The following CELF2 variants were observed in gnomAD, a reference collection of about 807,000 sequenced individuals.
CELF2 encodes the protein CUG triplet repeat RNA-binding protein 2.
In CELF2, 8 loss-of-function variants were observed where a neutral mutation model predicts 62.6. The ratio of observed to expected loss-of-function variants is 0.13; its 90% CI spans 0.07 to 0.23. The LOEUF (loss-of-function observed/expected upper bound fraction) is 0.23. Among genes scored for constraint, CELF2 ranks in the 10% least tolerant of loss-of-function variants. The pLI is 1.00. For missense variants in CELF2, 333 were observed against 671.0 expected, an observed-to-expected ratio of 0.50 and a Z score of 5.56; for synonymous variants, 258 against 250.0, an observed-to-expected ratio of 1.03 and a Z score of -0.30.
chr10:11,284,773 GTGGATGGA>G, intron 8 of CELF2, among the ~76,000 whole-genome samples: 3 of 150,430 alleles, frequency 2.0e-5, no homozygotes, highest in Non-Finnish European at 4.4e-5. Context: ...AGATATGTGG[GTGGATGGA>G]TGGATGGTGG....
chr10:11,252,204 A>G (rs1409813283), intron 4 of CELF2, among the ~76,000 whole-genome samples: 1 of 152,246 alleles, frequency 6.6e-6, no homozygotes, highest in Non-Finnish European at 1.5e-5. Context: ...AAAAGCCACA[A>G]GCCTTTTCTA....
intron 2 of CELF2, among the ~76,000 whole-genome samples, chr10:10,927,757 C>A (rs2065674401): frequency 6.6e-6 from 1 of 152,066 alleles, no homozygotes; most frequent in Non-Finnish European, 1.5e-5. Context: ...TGTCTACTTT[C>A]TCTCTCTCTT....
At chr10:10,802,474 A>G (rs1311440259) in intron 1 of CELF2, among the ~76,000 whole-genome samples, 3 of 152,218 alleles carry the variant, frequency 2.0e-5, no homozygotes, top group African/African-American at 7.2e-5. Context: ...TGTCTCAAAC[A>G]AACAAACAAA....
In CELF2 at chr10:11,117,525, C is replaced by A. The variant is rs2056818019; in HGVS notation, c.75-47961C>A. 6.6e-6 allele frequency among the ~76,000 whole-genome samples: 1 copy of A among 152,164 alleles called. No homozygotes were observed. Among genetic ancestry groups the A allele is most frequent in the Admixed American group, 6.5e-5 (1 of 15,268 alleles). ...AGAGGCCACTCCTTTAGACCTAGGT[C>A]CATCTTGAGGTGTTGTTATACAGCC... On this transcript the variant is annotated intron_variant, in intron 1 of 12. Transcript: ENST00000633077. The surrounding 1 kb of genome is among the most constrained non-coding windows in gnomAD (Gnocchi z 4.1).
chr10:10,932,079 G>A (rs1158664463), intron 2 of CELF2, among the ~76,000 whole-genome samples: 1 of 152,044 alleles, frequency 6.6e-6, no homozygotes, highest in Non-Finnish European at 1.5e-5. Context: ...GATCTGGGTG[G>A]GGACACAGCC....
the CELF2 span, among the ~76,000 whole-genome samples, chr10:10,580,818 A>G: frequency 6.6e-6 from 1 of 152,226 alleles, no homozygotes; most frequent in Non-Finnish European, 1.5e-5. Flanking sequence ...CATTGGATCA[A>G]TAAATATTTA....
At chr10:10,585,645 T>C in the CELF2 span, among the ~76,000 whole-genome samples, 13 of 152,290 alleles carry the variant, frequency 8.5e-5, no homozygotes, top group Non-Finnish European at 1.8e-4. Context: ...TTGATTACGC[T>C]CCCTTTGTCA....
chr10:10,820,084 G>A (rs1270721475), intron 1 of CELF2, among the ~76,000 whole-genome samples: 1 of 152,104 alleles, frequency 6.6e-6, no homozygotes, highest in Non-Finnish European at 1.5e-5. Context: ...TGGGTTTATA[G>A]AGGGTTTCCG....
intron 1 of CELF2, among the ~76,000 whole-genome samples, chr10:11,009,907 C>A (rs1243234809): frequency 6.6e-6 from 1 of 152,250 alleles, no homozygotes; most frequent in Non-Finnish European, 1.5e-5. Context: ...AGGCCTGCAG[C>A]TGCAATCAGT....
chr10:10,554,569 C>G, the CELF2 span, among the ~76,000 whole-genome samples: 8 of 152,232 alleles, frequency 5.3e-5, no homozygotes, highest in East Asian at 1.5e-3. Flanking sequence ...CTCTGTGACT[C>G]CAGCTCCTCC....
chr10:10,690,659 C>T, the CELF2 span, among the ~76,000 whole-genome samples: 1 of 152,110 alleles, frequency 6.6e-6, no homozygotes, highest in Non-Finnish European at 1.5e-5. Flanking sequence ...GTGGGCAGAT[C>T]ACTTGAGGTC....
At chr10:10,679,437 C>A in the CELF2 span, among the ~76,000 whole-genome samples, 1 of 152,000 alleles carries the variant, frequency 6.6e-6, no homozygotes, top group Non-Finnish European at 1.5e-5. Flanking sequence ...ATACAGGCAC[C>A]CTCCACCATG....
At chr10:10,487,805 T>A in the CELF2 span, among the ~76,000 whole-genome samples, 1 of 152,182 alleles carries the variant, frequency 6.6e-6, no homozygotes, top group Non-Finnish European at 1.5e-5. Context: ...AATGGTGGTC[T>A]TTGTGCTTAA....
At chr10:11,187,701 C>T (rs1426276278) in intron 2 of CELF2, among the ~76,000 whole-genome samples, 2 of 151,944 alleles carry the variant, frequency 1.3e-5, no homozygotes, top group Non-Finnish European at 2.9e-5. Flanking sequence ...TGTTACACGT[C>T]TTTATCATTC....
the CELF2 span, among the ~76,000 whole-genome samples, chr10:10,520,105 T>A: frequency 6.6e-6 from 1 of 152,198 alleles, no homozygotes; most frequent in African/African-American, 2.4e-5. Context: ...TAGACTACCA[T>A]GGAAGAATAA....
chr10:11,210,405 C>G (rs889675764), intron 2 of CELF2, among the ~76,000 whole-genome samples: 1 of 152,180 alleles, frequency 6.6e-6, no homozygotes, highest in African/African-American at 2.4e-5. Flanking sequence ...TCATGCCCAA[C>G]CCCATAAGCT....
At chr10:10,574,317 G>A in the CELF2 span, among the ~76,000 whole-genome samples, 2 of 152,320 alleles carry the variant, frequency 1.3e-5, no homozygotes, top group East Asian at 3.9e-4. Flanking sequence ...CAAAGTAGAA[G>A]AAGGATTGTG....
chr10:10,736,719 T>C, the CELF2 span, among the ~76,000 whole-genome samples: 2 of 152,068 alleles, frequency 1.3e-5, no homozygotes, highest in Non-Finnish European at 2.9e-5. Context: ...GCTTTCCTAG[T>C]GGCTAAAGTG....
the CELF2 span, among the ~76,000 whole-genome samples, chr10:10,514,385 T>C: frequency 2.6e-5 from 4 of 152,284 alleles, no homozygotes; most frequent in South Asian, 2.1e-4. Context: ...TTAATAGTTA[T>C]TGGGGAACAT....
Sources: gnomAD v4.1 joint callset for allele counts (sites outside exome capture counted in the v4.1 genomes callset) on GRCh38, gnomAD v4.1.1 for gene constraint, Gnocchi (gnomAD v3.1) non-coding constraint, MANE v1.5 for transcripts, NCBI Gene and HGNC (gene_info 2026-07-23, HGNC 2026-07-21) for gene names.